The following CRIPT variants were observed in gnomAD, a reference collection of about 807,000 sequenced individuals.
The protein encoded by CRIPT is CXXC repeat containing interactor of PDZ3 domain.
Under a neutral mutation model 16.6 loss-of-function variants are expected in CRIPT, and 20 were observed. The ratio of observed to expected loss-of-function variants is 1.20; its 90% CI spans 0.85 to 1.75. The LOEUF is 1.75. CRIPT is among the 40% of genes most tolerant of loss of function. The probability of loss-of-function intolerance (pLI) is 0.00; values close to 1 mark genes in which losing one functional copy is unlikely to be tolerated. For missense variants in CRIPT, 133 were observed against 115.3 expected (o/e 1.15, Z -0.70); for synonymous variants, 42 against 37.0 (o/e 1.14, Z -0.49).
At chr2:46,618,703 C>T (rs1008547836) in intron 1 of CRIPT, 70 bp from the exon 2 acceptor site, 1 of 989,998 alleles carries the variant, frequency 1.0e-6, no homozygotes, top group Non-Finnish European at 1.6e-6. Flanking sequence ...CATTGTGAAC[C>T]TTAGGCACAA....
At chr2:46,621,936 C>G (rs1670814617) in intron 3 of CRIPT, among the ~76,000 whole-genome samples, 1 of 152,176 alleles carries the variant, frequency 6.6e-6, no homozygotes, top group Admixed American at 6.5e-5. Flanking sequence ...CAAACTTACT[C>G]TGATATCATT....
chr2:46,623,684 C>T lies in CRIPT; in HGVS notation c.138-80C>T, dbSNP rs79227434. On this transcript the variant is annotated intron_variant, in intron 3 of 4. Transcript: ENST00000238892. ...GAGGGATGGAGAGCATGGATTAATC[C>T]TGTGTGTTGCGTAAGTGGGGTTATT... 178 of 727,324 alleles carry T rather than the reference C, an allele frequency of 2.4e-4. No homozygotes were observed. In the African/African-American group the frequency reaches 2.8e-3, roughly 11 times the overall value. 45.1% of individuals were successfully genotyped at this position (727,324 alleles called of 1,614,324 possible).
At position 46,628,488 on chromosome 2, in the gene CRIPT, T is replaced by G. The variant is rs912597910; in HGVS notation, c.*4261T>G. 3.9e-5 allele frequency among the ~76,000 whole-genome samples: 6 copies of G among 152,220 alleles called. No homozygotes were observed. The highest frequency in any genetic ancestry group is 1.4e-4 in the African/African-American group (6 of 41,448). ...TGAATCTGTGGATTGCTTTGGGCAGTATGGCCATTTTAATGATATTGATTC... is the reference window on the plus strand; with the variant it reads ...TGAATCTGTGGATTGCTTTGGGCAGGATGGCCATTTTAATGATATTGATTC... On this transcript the variant is annotated 3_prime_UTR_variant, in exon 5 of 5. Coordinates refer to ENST00000238892, the MANE Select transcript of CRIPT (RefSeq NM_014171.6).
Position 46,626,804 on chromosome 2 carries a change from T to A in CRIPT, c.*2577T>A, listed in dbSNP as rs1215973240. 6.6e-6 allele frequency among the ~76,000 whole-genome samples: 1 copy of A among 152,078 alleles called. No homozygotes were observed. Among genetic ancestry groups the A allele is most frequent in the Non-Finnish European group, 1.5e-5 (1 of 68,006 alleles). On this transcript the variant is annotated 3_prime_UTR_variant, in exon 5 of 5. Coordinates refer to ENST00000238892, the MANE Select transcript of CRIPT (RefSeq NM_014171.6). ...TTCAAGTCTTTTGGCATTTTTTTAA[T>A]GGGTTTTTGTTTGTGTGTGTGTATT...
chr2:46,620,467 AC>A (rs1053455315), intron 3 of CRIPT, among the ~76,000 whole-genome samples: 4 of 151,568 alleles, frequency 2.6e-5, no homozygotes, highest in African/African-American at 4.8e-5. Context: ...AATTTCGTGA[AC>A]CCTTTCATCT....
chr2:46,621,763 C>T (rs796483346), intron 3 of CRIPT, among the ~76,000 whole-genome samples: 3 of 152,334 alleles, frequency 2.0e-5, no homozygotes, highest in African/African-American at 7.2e-5. Context: ...AAAGCCTTAA[C>T]TACATACAGT....
At chr2:46,617,749 G>A (rs1670701329) in intron 1 of CRIPT, among the ~76,000 whole-genome samples, 1 of 152,112 alleles carries the variant, frequency 6.6e-6, no homozygotes. Flanking sequence ...CTTAGAGTAA[G>A]CCCAGAAGAT....
chr2:46,617,795 A>C (rs2104163526), intron 1 of CRIPT, among the ~76,000 whole-genome samples: 1 of 152,188 alleles, frequency 6.6e-6, no homozygotes, highest in African/African-American at 2.4e-5. Flanking sequence ...GCAAATTATT[A>C]TTTCCCTAAC....
At position 46,628,105 on chromosome 2, in the gene CRIPT, AT is replaced by A. The variant is rs753786887; in HGVS notation, c.*3884del. On this transcript the variant is annotated 3_prime_UTR_variant, in exon 5 of 5. Coordinates refer to ENST00000238892, the MANE Select transcript of CRIPT (RefSeq NM_014171.6). ...TGGTTCCATATGAATTTTAGAATGG[AT>A]TTTTTCTTTTTTTTTTTTTTTGAGA... Among the ~76,000 whole-genome samples, 354 of 136,970 alleles carry A rather than the reference AT, an allele frequency of 2.6e-3. 1 individual carries two copies. The highest frequency in any genetic ancestry group is 3.0e-3 in the Non-Finnish European group (194 of 64,548). The allele number at this position is 136,970 out of a possible 152,430, so 89.9% of individuals were successfully genotyped here. A position where few individuals can be genotyped will look rare whatever the true frequency, so the allele number is the denominator to read the frequency against.
chr2:46,618,279 A>G (rs751795589), intron 1 of CRIPT, among the ~76,000 whole-genome samples: 4 of 148,694 alleles, frequency 2.7e-5, no homozygotes, highest in Non-Finnish European at 4.4e-5. Context: ...GATGAAAACT[A>G]TAGACTCTTG....
rs539526815 is a variant in CRIPT, at chr2:46,620,317, C to T, written c.137+636C>T. 1.7e-3 allele frequency among the ~76,000 whole-genome samples: 266 copies of T among 152,176 alleles called. 8 individuals are homozygous for T. The South Asian group carries it at 0.042, about 24-fold the overall frequency. ...GAAAAATTAACTGGGTGTGGCAGCA[C>T]GCGCCTGTAGTCCCAGCTACTCAGG... On this transcript the variant is annotated intron_variant, in intron 3 of 4. Transcript: ENST00000238892.
chr2:46,623,305 G>A (rs762259818), intron 3 of CRIPT, among the ~76,000 whole-genome samples: 63 of 152,262 alleles, frequency 4.1e-4, no homozygotes, highest in Non-Finnish European at 7.8e-4. Flanking sequence ...AAAAATTGAT[G>A]CTTGAGGTGT....
Position 46,624,254 on chromosome 2 carries a change from T to C in CRIPT, c.*27T>C. On this transcript the variant is annotated 3_prime_UTR_variant, in exon 5 of 5. Coordinates refer to ENST00000238892, the MANE Select transcript of CRIPT (RefSeq NM_014171.6). ...TGTATTGATGGAATTTCTGGCTTTC[T>C]AAATGATTTTACTTTCTGCCTTGAA... 1 of 1,481,698 alleles carries C rather than the reference T, an allele frequency of 6.7e-7. No individual in the cohort carries two copies. Among genetic ancestry groups the C allele is most frequent in the Non-Finnish European group, 9.2e-7 (1 of 1,091,000 alleles). 91.8% of individuals were successfully genotyped at this position (1,481,698 alleles called of 1,614,324 possible).
Position 46,629,862 on chromosome 2 carries a change from C to T in CRIPT, c.*5635C>T, listed in dbSNP as rs924439828. 6.6e-6 allele frequency among the ~76,000 whole-genome samples: 1 copy of T among 152,066 alleles called. No individual in the cohort carries two copies. Among genetic ancestry groups the T allele is most frequent in the Admixed American group, 6.5e-5 (1 of 15,268 alleles). On this transcript the variant is annotated 3_prime_UTR_variant, in exon 5 of 5. Coordinates refer to ENST00000238892, the MANE Select transcript of CRIPT (RefSeq NM_014171.6). ...AATTCTGTTCCTCATCAAATCTACC[C>T]CTCCTAGGTTTAGCATCCTTTGACG...
At chr2:46,621,402 C>T (rs868747908) in intron 3 of CRIPT, among the ~76,000 whole-genome samples, 2 of 152,186 alleles carry the variant, frequency 1.3e-5, no homozygotes, top group African/African-American at 4.8e-5. Flanking sequence ...ACGTATCTGC[C>T]TCCTTCTTGC....
Position 46,623,749 on chromosome 2 carries a change from A to C in CRIPT, c.138-15A>C, listed in dbSNP as rs775301061. On this transcript the variant is annotated splice_polypyrimidine_tract_variant and intron_variant, in intron 3 of 4. Transcript: ENST00000238892. Reference sequence around the variant, plus strand: ...GTGTAATATACAATTTTCTCTCTTTAAAAAAAATTTCTAGATTTGATCCAT... The same window carrying C: ...GTGTAATATACAATTTTCTCTCTTTCAAAAAAATTTCTAGATTTGATCCAT... 1 of 1,490,644 alleles carries C rather than the reference A, an allele frequency of 6.7e-7. No homozygotes were observed. The highest frequency in any genetic ancestry group is 1.2e-5 in the South Asian group (1 of 85,504). The allele number at this position is 1,490,644 out of a possible 1,614,324, so 92.3% of individuals were successfully genotyped here.
chr2:46,624,200 C>T lies in CRIPT; in HGVS notation c.279C>T (p.Thr93=), dbSNP rs1296411487. The change falls in exon 5 of 5, where the codon ACC becomes ACT. Residue 93 remains threonine (T), a synonymous_variant. Coordinates refer to ENST00000238892, the MANE Select transcript of CRIPT (RefSeq NM_014171.6). ...CAMCGKKVLD[T]KNYKQTSV is the part of the protein sequence containing the mutation. Reference sequence around the variant, plus strand: ...TGTGTGGAAAAAAGGTTTTGGATACCAAAAACTACAAGCAAACATCTGTCT... The same window carrying T: ...TGTGTGGAAAAAAGGTTTTGGATACTAAAAACTACAAGCAAACATCTGTCT... 2 of 1,578,422 alleles carry T rather than the reference C, an allele frequency of 1.3e-6. No individual in the cohort carries two copies. Among genetic ancestry groups the T allele is most frequent in the Non-Finnish European group, 8.6e-7 (1 of 1,158,598 alleles).
rs1365812505 is a variant in CRIPT at position 46,628,771 on chromosome 2, A to AGGAGG, written c.*4545_*4549dup. 6.6e-6 allele frequency among the ~76,000 whole-genome samples: 1 copy of AGGAGG among 152,238 alleles called. No individual in the cohort carries two copies. Among genetic ancestry groups the AGGAGG allele is most frequent in the Non-Finnish European group, 1.5e-5 (1 of 68,034 alleles). ...ATTGAATAGAAGTATTTACTAGATG[A>AGGAGG]GGAGGAAAACCCTAAAACAAAACAT... On this transcript the variant is annotated 3_prime_UTR_variant, in exon 5 of 5. Coordinates refer to ENST00000238892, the MANE Select transcript of CRIPT (RefSeq NM_014171.6).
intron 3 of CRIPT, among the ~76,000 whole-genome samples, chr2:46,620,298 T>TTAACTG (rs1670768501): frequency 6.6e-6 from 1 of 151,862 alleles, no homozygotes; most frequent in Admixed American, 6.6e-5. Context: ...GACAGAAAAA[T>TTAACTG]TAACTGGGTG....
Sources: allele counts gnomAD v4.1 joint callset (sites outside exome capture counted in the v4.1 genomes callset), GRCh38; gene constraint gnomAD v4.1.1; transcripts MANE v1.5; gene names NCBI Gene and HGNC (gene_info 2026-07-23, HGNC 2026-07-21).